Variants in NFAT5 observed in about 807,000 individuals in gnomAD.
NFAT5 encodes nuclear factor of activated T cells 5, also known as nuclear factor of activated T-cells 5.
In NFAT5, 31 loss-of-function variants were observed where a neutral mutation model predicts 166.5. The ratio of observed to expected loss-of-function variants is 0.19; its 90% CI spans 0.14 to 0.25. The LOEUF (loss-of-function observed/expected upper bound fraction) is 0.25. Among genes scored for constraint, NFAT5 ranks in the 10% least tolerant of loss-of-function variants. NFAT5 has a pLI of 1.00. For synonymous variants in NFAT5, 612 were observed against 639.7 expected (o/e 0.96, Z 0.65); for missense variants, 1,449 against 1,821.8 (o/e 0.80, Z 3.72).
intron 2 of NFAT5, among the ~76,000 whole-genome samples, chr16:69,574,919 C>G (rs2016653606): frequency 6.6e-6 from 1 of 151,888 alleles, no homozygotes; most frequent in Non-Finnish European, 1.5e-5. Flanking sequence ...TGATCTGCCT[C>G]CCTCAGCCTC....
intron 2 of NFAT5, among the ~76,000 whole-genome samples, chr16:69,595,815 G>A (rs996401316): frequency 1.3e-5 from 2 of 151,370 alleles, no homozygotes; most frequent in East Asian, 3.9e-4. Flanking sequence ...AGTAAAATAA[G>A]GGTTACTTGA....
At chr16:69,588,977 CTTCTT>C (rs1173347496) in intron 2 of NFAT5, among the ~76,000 whole-genome samples, 19 of 78,584 alleles carry the variant, frequency 2.4e-4, no homozygotes, top group African/African-American at 7.8e-4. Context: ...TCTTTTCCTA[CTTCTT>C]TTTTTTTTTT....
rs192873025 is a variant in NFAT5 at position 69,576,240 on chromosome 16, G to A, written c.127+7692G>A. Among the ~76,000 whole-genome samples, 340 of 150,358 alleles carry A rather than the reference G, an allele frequency of 2.3e-3. 2 individuals carry two copies. Among genetic ancestry groups the A allele is most frequent in the South Asian group, 5.7e-3 (27 of 4,716 alleles). On this transcript the variant is annotated intron_variant, in intron 2 of 14. Transcript: ENST00000349945. ...CCGGAAGGTGGAGCTTTCAGGGAGC[G>A]GAGATGGCGCCTCTGCACTCCAGCC...
intron 2 of NFAT5, among the ~76,000 whole-genome samples, chr16:69,575,254 G>A (rs990653263): frequency 4.6e-5 from 7 of 152,070 alleles, no homozygotes; most frequent in African/African-American, 1.2e-4. Flanking sequence ...TGCAACCTCC[G>A]TCTCTTGGGT....
At chr16:69,589,264 G>T (rs1430543283) in intron 2 of NFAT5, among the ~76,000 whole-genome samples, 1 of 152,100 alleles carries the variant, frequency 6.6e-6, no homozygotes, top group East Asian at 1.9e-4. Flanking sequence ...AAAGTGCTGG[G>T]ATTACAGGCG....
At chr16:69,606,700 C>T (rs148555791) in intron 2 of NFAT5, among the ~76,000 whole-genome samples, 6 of 152,206 alleles carry the variant, frequency 3.9e-5, no homozygotes, top group African/African-American at 1.4e-4. Context: ...ACTAAAAATA[C>T]ACAAAATTAG....
chr16:69,593,409 C>G (rs927913423), intron 2 of NFAT5, among the ~76,000 whole-genome samples: 1 of 152,098 alleles, frequency 6.6e-6, no homozygotes, highest in Non-Finnish European at 1.5e-5. Flanking sequence ...CTCCTGGGCT[C>G]AAGCAGTGCT....
At chr16:69,579,761 C>A (rs1286103210) in intron 2 of NFAT5, among the ~76,000 whole-genome samples, 2 of 152,012 alleles carry the variant, frequency 1.3e-5, no homozygotes, top group African/African-American at 4.8e-5. Context: ...ATCAGAAGTC[C>A]CACATATTTA....
chr16:69,607,182 C>A (rs1486370367), intron 2 of NFAT5, among the ~76,000 whole-genome samples: 1 of 152,096 alleles, frequency 6.6e-6, no homozygotes, highest in Admixed American at 6.5e-5. Context: ...GTAACTTGTC[C>A]AAGGTCACAC....
chr16:69,615,249 C>T (rs980614057), intron 2 of NFAT5, among the ~76,000 whole-genome samples: 3 of 152,132 alleles, frequency 2.0e-5, no homozygotes, highest in Non-Finnish European at 4.4e-5. Flanking sequence ...CCATGTTGGC[C>T]AGGCTGCTCT....
intron 2 of NFAT5, among the ~76,000 whole-genome samples, chr16:69,602,777 T>G (rs1277311953): frequency 1.3e-5 from 2 of 151,136 alleles, no homozygotes; most frequent in African/African-American, 2.4e-5. Context: ...GCTAATTTTT[T>G]TGTTTTTTTT....
chr16:69,674,140 G>A (rs1302932002), intron 9 of NFAT5, among the ~76,000 whole-genome samples: 2 of 151,496 alleles, frequency 1.3e-5, no homozygotes, highest in African/African-American at 4.9e-5. Flanking sequence ...CTACTTAGGA[G>A]GCTGAGGCAA....
At chr16:69,677,046 T>C in intron 9 of NFAT5, 157 bp from the exon 10 acceptor site, 4 of 657,380 alleles carry the variant, frequency 6.1e-6, no homozygotes, top group South Asian at 2.1e-5. Flanking sequence ...AGTGTTAAGA[T>C]TAATATCCTG....
At position 69,701,441 on chromosome 16, in the gene NFAT5, T is replaced by C. The variant is rs1038814076; in HGVS notation, c.*5090T>C. 1 of 152,644 alleles carries C rather than the reference T, an allele frequency of 6.6e-6. No homozygotes were observed. Among genetic ancestry groups the C allele is most frequent in the African/African-American group, 2.4e-5 (1 of 41,468 alleles). 9.5% of individuals were successfully genotyped at this position (152,644 alleles called of 1,614,324 possible). On this transcript the variant is annotated 3_prime_UTR_variant, in exon 15 of 15. Coordinates refer to ENST00000349945, the MANE Select transcript of NFAT5 (RefSeq NM_138713.4). ...CTATTTCCAAAAACACATAAACAAA[T>C]AGTTTCAGTAGGTCCCAGCTTTTAC...
intron 9 of NFAT5, among the ~76,000 whole-genome samples, chr16:69,672,346 T>G (rs969497367): frequency 6.6e-6 from 1 of 152,256 alleles, no homozygotes; most frequent in South Asian, 2.1e-4. Context: ...CTGTGTTAAC[T>G]AAGTAAGACA....
rs112903162 is a variant in NFAT5, at chr16:69,583,223, G to T, written c.127+14675G>T. Reference sequence around the variant, plus strand: ...TAAATTTCTGTTTTTAAGGGATGGGGTCTCATTCTGTCACCCTGGCTGCTG... The same window carrying T: ...TAAATTTCTGTTTTTAAGGGATGGGTTCTCATTCTGTCACCCTGGCTGCTG... On this transcript the variant is annotated intron_variant, in intron 2 of 14. Transcript: ENST00000349945. 4.0e-5 allele frequency among the ~76,000 whole-genome samples: 6 copies of T among 151,638 alleles called. No homozygotes were observed. The South Asian group carries it at 1.3e-3, about 32-fold the overall frequency.
At chr16:69,655,842 GTGTT>G in intron 6 of NFAT5, 43 bp downstream of exon 6, 1 of 1,450,220 alleles carries the variant, frequency 6.9e-7, no homozygotes, top group Non-Finnish European at 9.4e-7. Context: ...TTACACTCTT[GTGTT>G]AGGCAGAATT....
chr16:69,691,238 C>T, intron 12 of NFAT5, 150 bp downstream of exon 12: 1 of 514,652 alleles, frequency 1.9e-6, no homozygotes, highest in Non-Finnish European at 3.2e-6. Context: ...AAATTGCCCA[C>T]ATAGTGACTT....
At chr16:69,582,678 C>CT (rs376463471) in intron 2 of NFAT5, among the ~76,000 whole-genome samples, 8,220 of 136,130 alleles carry the variant, frequency 0.06, 255 homozygotes, top group Middle Eastern at 0.12. Context: ...AGATGTATGG[C>CT]TTTTTTTTTT....
Sources: gnomAD v4.1 joint callset for allele counts (sites outside exome capture counted in the v4.1 genomes callset) on GRCh38, gnomAD v4.1.1 for gene constraint, MANE v1.5 for transcripts, NCBI Gene and HGNC (gene_info 2026-07-23, HGNC 2026-07-21) for gene names.